ADAMTSL1: variants seen among roughly 807,000 people sequenced by gnomAD.
The protein encoded by ADAMTSL1 is ADAMTS like 1.
A neutral mutation model predicts 201.8 loss-of-function variants in ADAMTSL1; 126 were observed. The ratio of observed to expected loss-of-function variants is 0.62; its 90% CI spans 0.54 to 0.72. The LOEUF is 0.72. Ranked by LOEUF, ADAMTSL1 falls within the 30% of genes least tolerant of loss-of-function variation. The probability of loss-of-function intolerance (pLI) is 0.00; values close to 1 mark genes in which losing one functional copy is unlikely to be tolerated. For synonymous variants in ADAMTSL1, 1,121 were observed against 903.4 expected (o/e 1.24, Z -4.32); for missense variants, 2,679 against 2,277.8 (o/e 1.18, Z -3.59).
intron 20 of ADAMTSL1, among the ~76,000 whole-genome samples, chr9:18,808,407 G>T (rs1197497895): frequency 2.0e-5 from 3 of 152,164 alleles, no homozygotes; most frequent in Non-Finnish European, 4.4e-5. Context: ...AATGGATCAT[G>T]AAAGTAATAA....
At chr9:18,314,841 G>C (rs1444624396) in intron 2 of ADAMTSL1, among the ~76,000 whole-genome samples, 7 of 118,150 alleles carry the variant, frequency 5.9e-5, no homozygotes, top group Non-Finnish European at 8.1e-5. Flanking sequence ...CTGTCGCCCA[G>C]GCTGGAGTGC....
intron 2 of ADAMTSL1, among the ~76,000 whole-genome samples, chr9:18,169,606 C>A (rs960822024): frequency 1.3e-5 from 2 of 152,060 alleles, no homozygotes; most frequent in Non-Finnish European, 2.9e-5. Flanking sequence ...CTTGGCGATG[C>A]GGGCTCTTTT....
At chr9:18,603,656 A>T (rs1824818485) in intron 4 of ADAMTSL1, among the ~76,000 whole-genome samples, 1 of 152,160 alleles carries the variant, frequency 6.6e-6, no homozygotes, top group Non-Finnish European at 1.5e-5. Flanking sequence ...TCCTTGTATT[A>T]GTTGCTTCTG....
At chr9:17,998,329 T>C (rs1445409500) in intron 1 of ADAMTSL1, among the ~76,000 whole-genome samples, 1 of 151,786 alleles carries the variant, frequency 6.6e-6, no homozygotes, top group African/African-American at 2.4e-5. Context: ...ATATGGCAAG[T>C]GTACATGTAA....
chr9:18,107,880 A>C (rs73420884), intron 1 of ADAMTSL1, among the ~76,000 whole-genome samples: 79 of 152,250 alleles, frequency 5.2e-4, no homozygotes, highest in African/African-American at 1.8e-3. Context: ...CACGACCAGC[A>C]TTGTTCTTCA....
chr9:18,213,943 G>A (rs1829972873), intron 2 of ADAMTSL1, among the ~76,000 whole-genome samples: 1 of 152,018 alleles, frequency 6.6e-6, no homozygotes, highest in Non-Finnish European at 1.5e-5. Context: ...CACCATGTTG[G>A]CCAGGCTGGT....
chr9:18,196,444 T>C (rs145445779), intron 2 of ADAMTSL1, among the ~76,000 whole-genome samples: 4 of 152,072 alleles, frequency 2.6e-5, no homozygotes, highest in South Asian at 2.1e-4. Flanking sequence ...AATGTGGCTG[T>C]TGCAGCCAAC....
intron 20 of ADAMTSL1, among the ~76,000 whole-genome samples, chr9:18,809,537 C>T (rs927676121): frequency 1.3e-5 from 2 of 152,182 alleles, no homozygotes; most frequent in African/African-American, 4.8e-5. Flanking sequence ...CTCCTGTAAT[C>T]CCAGCACTTT....
chr9:18,548,813 A>G (rs1326336734), intron 3 of ADAMTSL1, among the ~76,000 whole-genome samples: 1 of 152,028 alleles, frequency 6.6e-6, no homozygotes, highest in Non-Finnish European at 1.5e-5. Context: ...TAGATAGATG[A>G]AGAAAATAAA....
chr9:18,197,584 G>A (rs1351723872), intron 2 of ADAMTSL1, among the ~76,000 whole-genome samples: 29 of 146,702 alleles, frequency 2.0e-4, no homozygotes, highest in African/African-American at 7.1e-4. Flanking sequence ...TTTGGGCTGA[G>A]ACAATGCGGT....
At chr9:18,461,294 C>G (rs1462349059) in intron 2 of ADAMTSL1, among the ~76,000 whole-genome samples, 2 of 151,926 alleles carry the variant, frequency 1.3e-5, no homozygotes, top group Non-Finnish European at 2.9e-5. Flanking sequence ...TCATCTTTTT[C>G]TCTTTAATTT....
intron 26 of ADAMTSL1, among the ~76,000 whole-genome samples, chr9:18,904,732 C>CTTT (rs373922316): frequency 0.04 from 2,203 of 55,126 alleles, 151 homozygotes; most frequent in South Asian, 0.069. Context: ...GTTAAGGGGG[C>CTTT]TTTTTTTTTT....
At chr9:18,178,115 C>T (rs1396418986) in intron 2 of ADAMTSL1, among the ~76,000 whole-genome samples, 4 of 152,178 alleles carry the variant, frequency 2.6e-5, no homozygotes, top group South Asian at 2.1e-4. Flanking sequence ...TCTGAGGTAG[C>T]GGGTTCATCT....
intron 2 of ADAMTSL1, among the ~76,000 whole-genome samples, chr9:18,515,593 C>T (rs1435790606): frequency 6.6e-6 from 1 of 152,110 alleles, no homozygotes; most frequent in African/African-American, 2.4e-5. Flanking sequence ...CCTTGGCCTC[C>T]CAAAGTGCTG....
intron 3 of ADAMTSL1, among the ~76,000 whole-genome samples, chr9:18,564,220 G>A (rs933650488): frequency 2.6e-5 from 4 of 152,180 alleles, no homozygotes; most frequent in Admixed American, 6.5e-5. Context: ...GGATAGCACC[G>A]TCCCTCGTGC....
At chr9:18,712,802 T>A (rs1832695013) in intron 14 of ADAMTSL1, among the ~76,000 whole-genome samples, 4 of 151,688 alleles carry the variant, frequency 2.6e-5, no homozygotes, top group Admixed American at 2.6e-4. Context: ...AATTGTCAGA[T>A]TCACCAACAT....
At chr9:18,074,584 T>TTTG (rs1043509607) in intron 1 of ADAMTSL1, among the ~76,000 whole-genome samples, 15 of 151,550 alleles carry the variant, frequency 9.9e-5, no homozygotes, top group Admixed American at 7.9e-4. Flanking sequence ...TCTTTCTTTT[T>TTTG]TTGTTGTTGT....
chr9:18,595,365 C>T (rs568594872), intron 4 of ADAMTSL1, among the ~76,000 whole-genome samples: 34 of 152,152 alleles, frequency 2.2e-4, no homozygotes, highest in Non-Finnish European at 3.5e-4. Context: ...CCTGCACAGA[C>T]GGGAGAGTTC....
At chr9:18,279,575 T>A (rs754992651) in intron 2 of ADAMTSL1, among the ~76,000 whole-genome samples, 9 of 150,982 alleles carry the variant, frequency 6.0e-5, no homozygotes, top group Non-Finnish European at 1.0e-4. Context: ...CCTTCACCAA[T>A]CGGGGAAACA....
Sources: gnomAD v4.1 joint callset for allele counts (sites outside exome capture counted in the v4.1 genomes callset) on GRCh38, gnomAD v4.1.1 for gene constraint, MANE v1.5 for transcripts, NCBI Gene and HGNC (gene_info 2026-07-23, HGNC 2026-07-21) for gene names.